PEPD: variants seen among roughly 807,000 people sequenced by gnomAD.
PEPD encodes peptidase D.
In PEPD, 53 loss-of-function variants were observed where a neutral mutation model predicts 60.7. That is an observed-to-expected ratio of 0.87 (90% CI 0.70 to 1.10). PEPD has a LOEUF of 1.10. Ranked by LOEUF, PEPD falls within the 50% of genes least tolerant of loss-of-function variation. PEPD has a pLI of 0.00. For missense variants in PEPD, 711 were observed against 711.9 expected (o/e 1.00, Z 0.01); for synonymous variants, 267 against 284.1 (o/e 0.94, Z 0.60).
At chr19:33,475,020 T>C (rs1033485112) in intron 7 of PEPD, among the ~76,000 whole-genome samples, 9 of 151,694 alleles carry the variant, frequency 5.9e-5, no homozygotes, top group Non-Finnish European at 8.8e-5. Flanking sequence ...CCTTCACTTA[T>C]ACTCTCATTC....
intron 12 of PEPD, chr19:33,396,170 ATC>A (rs910973419): frequency 1.3e-5 from 2 of 152,362 alleles, no homozygotes; most frequent in African/African-American, 4.8e-5. Context: ...CGCAGAGGGT[ATC>A]TATGACTGGG....
At chr19:33,461,665 G>A (rs1278345890) in intron 9 of PEPD, among the ~76,000 whole-genome samples, 1 of 152,222 alleles carries the variant, frequency 6.6e-6, no homozygotes, top group African/African-American at 2.4e-5. Context: ...CCAATCTGAG[G>A]GACCCACTGT....
chr19:33,425,885 T>C (rs1374068116), intron 9 of PEPD, among the ~76,000 whole-genome samples: 1 of 152,198 alleles, frequency 6.6e-6, no homozygotes, highest in Non-Finnish European at 1.5e-5. Flanking sequence ...AGTCCCCAGA[T>C]GGCAGCCTCA....
intron 4 of PEPD, 77 bp from the exon 5 acceptor site, chr19:33,493,414 T>C: frequency 1.0e-6 from 1 of 978,994 alleles, no homozygotes; most frequent in Non-Finnish European, 1.6e-6. Context: ...CATTCCTTCA[T>C]AATGACAGTG....
At chr19:33,435,065 G>A (rs1969348640) in intron 9 of PEPD, among the ~76,000 whole-genome samples, 1 of 152,206 alleles carries the variant, frequency 6.6e-6, no homozygotes, top group South Asian at 2.1e-4. Flanking sequence ...GGATGGAAGA[G>A]GCAGAGAACC....
At chr19:33,469,701 A>G (rs1250573256) in intron 7 of PEPD, among the ~76,000 whole-genome samples, 1 of 152,030 alleles carries the variant, frequency 6.6e-6, no homozygotes, top group Non-Finnish European at 1.5e-5. Context: ...CTACAAGTGA[A>G]GAATCCTCCC....
chr19:33,516,990 G>C (rs1971034369), intron 1 of PEPD, among the ~76,000 whole-genome samples: 1 of 23,690 alleles, frequency 4.2e-5, no homozygotes, highest in Non-Finnish European at 7.6e-5. Flanking sequence ...GACCAGAATG[G>C]GCAACATGGC....
intron 1 of PEPD, among the ~76,000 whole-genome samples, chr19:33,517,120 A>G (rs1235055065): frequency 6.6e-6 from 1 of 152,104 alleles, no homozygotes; most frequent in Non-Finnish European, 1.5e-5. Context: ...GGCGGAGACT[A>G]CAGTGAGCTG....
intron 9 of PEPD, among the ~76,000 whole-genome samples, chr19:33,420,078 T>C (rs1968979745): frequency 6.6e-6 from 1 of 152,394 alleles, no homozygotes; most frequent in Admixed American, 6.5e-5. Flanking sequence ...GTATTAAGCA[T>C]AACTGAGGAC....
At position 33,432,599 on chromosome 19, in the gene PEPD, A is replaced by G. The variant is rs536965827; in HGVS notation, c.672-18956T>C. Among the ~76,000 whole-genome samples, 42 of 152,364 alleles carry G rather than the reference A, an allele frequency of 2.8e-4. No homozygotes were observed. The South Asian group carries it at 8.7e-3, about 32-fold the overall frequency. ...GATAGCTCTCTCCCCTGGGAGCAGGAGGAAGCCTCTTTGTCCAGGAGGACT... is the reference window on the plus strand; with the variant it reads ...GATAGCTCTCTCCCCTGGGAGCAGGGGGAAGCCTCTTTGTCCAGGAGGACT... On this transcript the variant is annotated intron_variant, in intron 9 of 14. Transcript: ENST00000244137.
intron 4 of PEPD, among the ~76,000 whole-genome samples, chr19:33,494,869 C>T (rs1451938887): frequency 6.6e-6 from 1 of 152,200 alleles, no homozygotes; most frequent in African/African-American, 2.4e-5. Flanking sequence ...TCTACGGACA[C>T]TTAAATTACA....
At chr19:33,506,462 A>G (rs1469284096) in intron 3 of PEPD, among the ~76,000 whole-genome samples, 2 of 133,390 alleles carry the variant, frequency 1.5e-5, no homozygotes, top group African/African-American at 5.8e-5. Context: ...CACACCCACC[A>G]CACCCCATCA....
chr19:33,431,992 C>CAAAAAAAAAAAAAAAAAAAAAAAAAA lies in PEPD; in HGVS notation c.672-18350_672-18349insTTTTTTTTTTTTTTTTTTTTTTTTTT, dbSNP rs906879187. ...TGGGTAACAGAGCAAGACACCACCT[C>CAAAAAAAAAAAAAAAAAAAAAAAAAA]AAAAAAAAAAAAAAAAAAGGGAAGA... On this transcript the variant is annotated intron_variant, in intron 9 of 14. Transcript: ENST00000244137. Among the ~76,000 whole-genome samples, 29 of 77,846 alleles carry CAAAAAAAAAAAAAAAAAAAAAAAAAA rather than the reference C, an allele frequency of 3.7e-4. 1 individual carries two copies. The highest frequency in any genetic ancestry group is 1.4e-3 in the East Asian group (3 of 2,184). The allele number at this position is 77,846 out of a possible 152,430, so 51.1% of individuals were successfully genotyped here. A position where few individuals can be genotyped will look rare whatever the true frequency, so the allele number is the denominator to read the frequency against.
chr19:33,417,951 G>T (rs1303356112), intron 9 of PEPD, among the ~76,000 whole-genome samples: 1 of 152,222 alleles, frequency 6.6e-6, no homozygotes. Flanking sequence ...AAACGCGGAG[G>T]TGTGTCCTCT....
At chr19:33,404,217 G>A (rs531749112) in intron 11 of PEPD, among the ~76,000 whole-genome samples, 1 of 152,324 alleles carries the variant, frequency 6.6e-6, no homozygotes, top group South Asian at 2.1e-4. Flanking sequence ...TTTGCCTGGG[G>A]ACAGCTAAGC....
intron 3 of PEPD, among the ~76,000 whole-genome samples, chr19:33,509,321 G>A (rs535087795): frequency 1.2e-4 from 19 of 152,328 alleles, no homozygotes; most frequent in African/African-American, 3.8e-4. Context: ...ACCCCCAGGA[G>A]AAACAGTCCC....
chr19:33,512,807 A>T (rs1239547207), intron 1 of PEPD, 31 bp from the exon 2 acceptor site: 1 of 1,612,270 alleles, frequency 6.2e-7, no homozygotes, highest in Non-Finnish European at 8.5e-7. Context: ...ACCGCCACAC[A>T]GGCCTCTGTT....
chr19:33,500,179 C>A (rs564360055), intron 4 of PEPD, among the ~76,000 whole-genome samples: 2 of 152,362 alleles, frequency 1.3e-5, no homozygotes, highest in African/African-American at 4.8e-5. Flanking sequence ...ACATTCTACA[C>A]GGCACTGACC....
At chr19:33,423,669 G>C (rs980500184) in intron 9 of PEPD, among the ~76,000 whole-genome samples, 6 of 152,182 alleles carry the variant, frequency 3.9e-5, no homozygotes, top group Admixed American at 2.6e-4. Context: ...AACTGCGAAT[G>C]TTCATCATTT....
Sources: allele counts gnomAD v4.1 joint callset (sites outside exome capture counted in the v4.1 genomes callset), GRCh38; gene constraint gnomAD v4.1.1; transcripts MANE v1.5; gene names NCBI Gene and HGNC (gene_info 2026-07-23, HGNC 2026-07-21).